Variants in REV3L observed in about 807,000 individuals in gnomAD.
REV3L encodes the protein DNA polymerase zeta catalytic subunit.
A neutral mutation model predicts 299.4 loss-of-function variants in REV3L; 69 were observed. The observed-to-expected ratio is 0.23, with a 90% confidence interval of 0.19 to 0.28. The LOEUF (loss-of-function observed/expected upper bound fraction) is 0.28, where lower values mean the gene tolerates loss of function less well. REV3L is among the 10% of genes least tolerant of loss of function. The pLI is 1.00. For synonymous variants in REV3L, 1,238 were observed against 1,271.4 expected (o/e 0.97, Z 0.56); for missense variants, 3,128 against 3,693.8 (o/e 0.85, Z 3.97).
chr6:111,375,835 A>C lies in REV3L; in HGVS notation c.2520T>G (p.His840Gln), dbSNP rs1445519218. 6.2e-7 allele frequency: 1 copy of C among 1,613,414 alleles called. No individual in the cohort carries two copies. Among genetic ancestry groups the C allele is most frequent in the Non-Finnish European group, 8.5e-7 (1 of 1,179,784 alleles). ...LKLNKRKLAG[H>Q]QETSTKSSET... is the part of the protein sequence containing the mutation. Reference sequence around the variant, plus strand: ...CACTACTTTTGGTAGAAGTCTCCTGATGACCTGCAAGTTTCCTTTTATTCA... The same window carrying C: ...CACTACTTTTGGTAGAAGTCTCCTGCTGACCTGCAAGTTTCCTTTTATTCA... The change falls in exon 13 of 32, where the codon CAT becomes CAG. Residue 840 changes from histidine to glutamine, a missense_variant. Coordinates refer to ENST00000368802, the MANE Select transcript of REV3L (RefSeq NM_001372078.1).
intron 16 of REV3L, among the ~76,000 whole-genome samples, chr6:111,362,726 G>A (rs924614948): frequency 6.6e-6 from 1 of 151,998 alleles, no homozygotes; most frequent in African/African-American, 2.4e-5. Context: ...ATATCTCACT[G>A]TGCACGCTAA....
In REV3L at chr6:111,482,549, G is replaced by A. The variant is rs1358366533; in HGVS notation, c.139+201C>T. ...CCCTGCCCGGGGGTGGGGGCGCCGC[G>A]CAGCGCTCGCGCGGACCCACATTTT... On this transcript the variant is annotated intron_variant, in intron 1 of 31. Coordinates refer to ENST00000368802, the MANE Select transcript of REV3L (RefSeq NM_001372078.1). Among the ~76,000 whole-genome samples, 5 of 151,922 alleles carry A rather than the reference G, an allele frequency of 3.3e-5. No individual in the cohort carries two copies. In the East Asian group the frequency reaches 9.8e-4, roughly 30 times the overall value.
At chr6:111,388,502 A>ATTTTGAAATAATATATCTGCC (rs1259517588) in intron 7 of REV3L, among the ~76,000 whole-genome samples, 9 of 152,196 alleles carry the variant, frequency 5.9e-5, no homozygotes, top group Non-Finnish European at 1.0e-4. Flanking sequence ...TTACTGCTGT[A>ATTTTGAAATAATATATCTGCC]TTTTGAAATA....
intron 21 of REV3L, among the ~76,000 whole-genome samples, chr6:111,341,196 A>T (rs1463819678): frequency 6.6e-6 from 1 of 151,928 alleles, no homozygotes; most frequent in Non-Finnish European, 1.5e-5. Context: ...ACAGGTGTGC[A>T]CCACCATGCC....
At chr6:111,469,123 T>C (rs1298605586) in intron 1 of REV3L, among the ~76,000 whole-genome samples, 1 of 152,010 alleles carries the variant, frequency 6.6e-6, no homozygotes, top group East Asian at 1.9e-4. Context: ...GATCACACCA[T>C]TGCACTCCAG....
intron 1 of REV3L, among the ~76,000 whole-genome samples, chr6:111,440,592 T>G (rs1788150636): frequency 6.6e-6 from 1 of 152,218 alleles, no homozygotes; most frequent in Admixed American, 6.5e-5. Context: ...TATAACTGAA[T>G]GCATTACTGC....
At chr6:111,348,759 C>T (rs1777274846) in intron 20 of REV3L, among the ~76,000 whole-genome samples, 1 of 152,344 alleles carries the variant, frequency 6.6e-6, no homozygotes, top group East Asian at 1.9e-4. Context: ...AAGTGATTCT[C>T]CCACCTCAGC....
chr6:111,309,891 C>T lies in REV3L; in HGVS notation c.9004G>A (p.Gly3002Ser). Reference protein sequence around the residue: ...PPLARIFSLIGIDVFSWYHEL... With the variant: ...PPLARIFSLISIDVFSWYHEL... The stretch of plus-strand genomic sequence containing the variant: ...TGATACCAGCTGAAGACATCAATAC[C>T]AATAAGTGAGAAGATTCTTGCCAAG... Residue 3002 changes from glycine (G) to serine (S), a missense_variant, in exon 30 of 32, where the codon GGT becomes AGT. Transcript: ENST00000368802. 6 of 1,613,950 alleles carry T rather than the reference C, an allele frequency of 3.7e-6. No homozygotes were observed. The highest frequency in any genetic ancestry group is 5.1e-6 in the Non-Finnish European group (6 of 1,179,916).
Position 111,367,345 on chromosome 6 carries a change from G to A in REV3L, c.6443C>T (p.Pro2148Leu). ...ALNGDDRPSS[P>L]VEELPSLAFE... The stretch of plus-strand genomic sequence containing the variant: ...AGCCAATGAAGGCAGCTCCTCTACT[G>A]GTGATGAGGGTCTATCATCTCCATT... The change falls in exon 14 of 32, where the codon CCA becomes CTA. Residue 2148 changes from proline (P) to leucine (L), a missense_variant. Around this residue, in one of 9 missense-constraint regions of REV3L, gnomAD observed 2,409 missense variants for 2,611.8 expected, o/e 0.92. Coordinates refer to ENST00000368802, the MANE Select transcript of REV3L (RefSeq NM_001372078.1). The A allele has an allele frequency of 6.2e-7, 1 of 1,606,528 alleles. No homozygotes were observed. The highest frequency in any genetic ancestry group is 1.3e-5 in the African/African-American group (1 of 74,448).
chr6:111,353,779 C>T (rs1428505275), intron 18 of REV3L: 1 of 152,324 alleles, frequency 6.6e-6, no homozygotes, highest in South Asian at 2.1e-4. Flanking sequence ...TCTGTTTAGT[C>T]TTCCAACATA....
At chr6:111,370,127 G>T (rs538183355) in intron 13 of REV3L, among the ~76,000 whole-genome samples, 1 of 151,940 alleles carries the variant, frequency 6.6e-6, no homozygotes, top group South Asian at 2.1e-4. Context: ...CACCGTGCCC[G>T]GCCTACAGTT....
At chr6:111,395,522 C>A (rs1782398839) in intron 4 of REV3L, among the ~76,000 whole-genome samples, 1 of 152,114 alleles carries the variant, frequency 6.6e-6, no homozygotes, top group South Asian at 2.1e-4. Flanking sequence ...TATTGGTGCA[C>A]AGAAATGCTA....
At chr6:111,407,761 C>A (rs1258351533) in intron 3 of REV3L, among the ~76,000 whole-genome samples, 1 of 152,020 alleles carries the variant, frequency 6.6e-6, no homozygotes, top group Non-Finnish European at 1.5e-5. Flanking sequence ...ATGGAGAAAC[C>A]CTGTCCTTAC....
intron 1 of REV3L, among the ~76,000 whole-genome samples, chr6:111,427,877 A>G (rs1193189061): frequency 6.6e-6 from 1 of 152,140 alleles, no homozygotes; most frequent in Admixed American, 6.5e-5. Flanking sequence ...TCTGCTATGT[A>G]ACTCAGCCAA....
intron 1 of REV3L, among the ~76,000 whole-genome samples, chr6:111,428,371 CA>C (rs908387384): frequency 2.6e-5 from 4 of 151,382 alleles, no homozygotes; most frequent in African/African-American, 9.7e-5. Flanking sequence ...CAAAATAATA[CA>C]AAAAAAACCA....
intron 4 of REV3L, among the ~76,000 whole-genome samples, chr6:111,402,796 A>C (rs138199587): frequency 2.4e-4 from 36 of 152,318 alleles, no homozygotes; most frequent in Middle Eastern, 3.4e-3. Context: ...GTTAGAAAGG[A>C]TATTAGGACT....
intron 30 of REV3L, 170 bp downstream of exon 30, chr6:111,309,683 C>A: frequency 1.6e-6 from 1 of 641,770 alleles, no homozygotes; most frequent in South Asian, 2.9e-5. Context: ...CAGGGACCCA[C>A]CTTTCTCTAC....
intron 21 of REV3L, among the ~76,000 whole-genome samples, chr6:111,342,592 C>A (rs1218625202): frequency 6.6e-6 from 1 of 151,122 alleles, no homozygotes. Context: ...GGCGTGAACT[C>A]GGGAGGCGGA....
chr6:111,454,403 C>T (rs1018642361), intron 1 of REV3L, among the ~76,000 whole-genome samples: 1 of 151,674 alleles, frequency 6.6e-6, no homozygotes, highest in African/African-American at 2.4e-5. Context: ...GTAAAATATA[C>T]GTAAAATTTA....
Sources: allele counts gnomAD v4.1 joint callset (sites outside exome capture counted in the v4.1 genomes callset), GRCh38; gene constraint gnomAD v4.1.1; regional missense constraint gnomAD v4.1.1; transcripts MANE v1.5; gene names NCBI Gene and HGNC (gene_info 2026-07-23, HGNC 2026-07-21).